The following ALK variants were observed in gnomAD, a reference collection of about 807,000 sequenced individuals.
ALK encodes the protein ALK receptor tyrosine kinase, also known as ALK tyrosine kinase receptor.
In ALK, 74 loss-of-function variants were observed where a neutral mutation model predicts 163.1. That is an observed-to-expected ratio of 0.45 (90% CI 0.38 to 0.55). The LOEUF is 0.55. ALK is among the 20% of genes least tolerant of loss of function. ALK has a pLI of 0.00. For missense variants in ALK, 2,063 were observed against 2,105.3 expected (o/e 0.98, Z 0.39); for synonymous variants, 960 against 843.2 (o/e 1.14, Z -2.40).
At chr2:29,755,077 C>G (rs1173589674) in intron 1 of ALK, among the ~76,000 whole-genome samples, 10 of 77,666 alleles carry the variant, frequency 1.3e-4, no homozygotes. Context: ...AGCAGCTTCT[C>G]TAAGGGTACC....
chr2:29,625,998 T>G (rs1018069192), intron 3 of ALK, among the ~76,000 whole-genome samples: 8 of 152,148 alleles, frequency 5.3e-5, no homozygotes, highest in African/African-American at 1.9e-4. Context: ...GAGAGCAAGA[T>G]AGATGATGGT....
chr2:29,742,099 G>C (rs544852542), intron 1 of ALK, among the ~76,000 whole-genome samples: 1 of 152,232 alleles, frequency 6.6e-6, no homozygotes, highest in Admixed American at 6.5e-5. Context: ...GACAGCCTTC[G>C]CTTCTATTCA....
At chr2:29,712,177 T>G (rs1025568533) in intron 2 of ALK, among the ~76,000 whole-genome samples, 1 of 152,160 alleles carries the variant, frequency 6.6e-6, no homozygotes, top group Non-Finnish European at 1.5e-5. Context: ...GCCCTCCAGG[T>G]GATAGGTGGT....
chr2:29,405,904 T>C (rs1669569856), intron 4 of ALK, among the ~76,000 whole-genome samples: 1 of 152,176 alleles, frequency 6.6e-6, no homozygotes, highest in Non-Finnish European at 1.5e-5. Context: ...TTTAGATCTT[T>C]CTACTCAGAA....
At chr2:29,786,131 C>T (rs530666283) in intron 1 of ALK, among the ~76,000 whole-genome samples, 54 of 152,292 alleles carry the variant, frequency 3.5e-4, no homozygotes, top group African/African-American at 1.3e-3. Flanking sequence ...ATGACGAATG[C>T]TACCGATTTT....
At chr2:29,276,629 A>G (rs951814106) in intron 9 of ALK, among the ~76,000 whole-genome samples, 1 of 152,206 alleles carries the variant, frequency 6.6e-6, no homozygotes, top group African/African-American at 2.4e-5. Context: ...GTACAGCCAT[A>G]TGATGGGACG....
At chr2:29,508,610 T>C (rs1672408178) in intron 4 of ALK, among the ~76,000 whole-genome samples, 1 of 151,038 alleles carries the variant, frequency 6.6e-6, no homozygotes. Context: ...GATGAGTTAA[T>C]GGGTGCAGCA....
intron 4 of ALK, among the ~76,000 whole-genome samples, chr2:29,514,383 A>G (rs1036925434): frequency 6.6e-6 from 1 of 151,588 alleles, no homozygotes; most frequent in Non-Finnish European, 1.5e-5. Context: ...CATCATTCTC[A>G]GTAAACTATC....
chr2:29,596,673 G>C (rs1373429819), intron 3 of ALK, among the ~76,000 whole-genome samples: 1 of 152,184 alleles, frequency 6.6e-6, no homozygotes, highest in Non-Finnish European at 1.5e-5. Flanking sequence ...ACCCAGTGGA[G>C]AGTCCTAACT....
intron 5 of ALK, among the ~76,000 whole-genome samples, chr2:29,335,317 A>G (rs1667578269): frequency 6.6e-6 from 1 of 152,230 alleles, no homozygotes; most frequent in Admixed American, 6.5e-5. Context: ...CTAACAATGT[A>G]AATCACAGGG....
rs189726382 is a variant in ALK, at chr2:29,324,649, T to G, written c.1414+3701A>C. ...ATACCTAGTGAATCACTGACCCATC[T>G]AGGGGATGAAATGGGAACATCTGGC... On this transcript the variant is annotated intron_variant, in intron 6 of 28. Coordinates refer to ENST00000389048, the MANE Select transcript of ALK (RefSeq NM_004304.5). Among the ~76,000 whole-genome samples, 266 of 152,322 alleles carry G rather than the reference T, an allele frequency of 1.7e-3. 1 individual carries two copies. Among genetic ancestry groups the G allele is most frequent in the Admixed American group, 4.1e-3 (63 of 15,288 alleles).
rs146910817 is a variant in ALK, at chr2:29,298,272, G to A, written c.1648-1215C>T. Among the ~76,000 whole-genome samples, 806 of 152,204 alleles carry A rather than the reference G, an allele frequency of 5.3e-3. 8 individuals carry two copies. Among genetic ancestry groups the A allele is most frequent in the African/African-American group, 0.018 (760 of 41,518 alleles). On this transcript the variant is annotated intron_variant, in intron 8 of 28. Transcript: ENST00000389048. ...CACCTTTCCCATTTCTCCATATCCT[G>A]GGTAGCAAATATGCATCTCTACTGA...
chr2:29,820,103 C>T (rs1000972871), intron 1 of ALK, among the ~76,000 whole-genome samples: 3 of 152,322 alleles, frequency 2.0e-5, no homozygotes, highest in East Asian at 1.9e-4. Flanking sequence ...CCAGCCTTAG[C>T]GACTATCTTC....
chr2:29,822,680 T>C (rs1177171499), intron 1 of ALK, among the ~76,000 whole-genome samples: 3 of 152,212 alleles, frequency 2.0e-5, no homozygotes, highest in Non-Finnish European at 4.4e-5. Context: ...CCTGAAGGTC[T>C]ACAAGTCACA....
At chr2:29,574,968 T>C (rs1197695929) in intron 3 of ALK, among the ~76,000 whole-genome samples, 1 of 152,134 alleles carries the variant, frequency 6.6e-6, no homozygotes, top group East Asian at 1.9e-4. Context: ...GCACGGCAAC[T>C]TCAGAGAATT....
At chr2:29,868,068 G>A (rs1399246430) in intron 1 of ALK, among the ~76,000 whole-genome samples, 1 of 152,210 alleles carries the variant, frequency 6.6e-6, no homozygotes, top group East Asian at 1.9e-4. Flanking sequence ...CCCTACTTTG[G>A]CTACAGCAGA....
rs376942053 is a variant in ALK, at chr2:29,357,532, G to A, written c.1282+26200C>T. On this transcript the variant is annotated intron_variant, in intron 5 of 28. Transcript: ENST00000389048. ...CTCAGCAGTCATGGCAAACTTTCAC[G>A]GCAGATGCCTTTGTTATTTAGGGTC... 8.5e-5 allele frequency among the ~76,000 whole-genome samples: 13 copies of A among 152,256 alleles called. 1 individual carries two copies. Among genetic ancestry groups the A allele is most frequent in the African/African-American group, 2.9e-4 (12 of 41,544 alleles).
intron 2 of ALK, among the ~76,000 whole-genome samples, chr2:29,696,186 A>G (rs746812958): frequency 3.9e-5 from 6 of 152,250 alleles, no homozygotes; most frequent in African/African-American, 9.6e-5. Context: ...CATGTACACC[A>G]TGGAATATTA....
chr2:29,296,322 A>T (rs1254157874), intron 9 of ALK, among the ~76,000 whole-genome samples: 3 of 152,206 alleles, frequency 2.0e-5, no homozygotes, highest in Non-Finnish European at 2.9e-5. Context: ...GACCTGACTC[A>T]ACAGAGAACA....
Sources: allele counts gnomAD v4.1 joint callset (sites outside exome capture counted in the v4.1 genomes callset), GRCh38; gene constraint gnomAD v4.1.1; transcripts MANE v1.5; gene names NCBI Gene and HGNC (gene_info 2026-07-23, HGNC 2026-07-21).